Variants in SMYD4 observed in about 807,000 individuals in gnomAD.
SMYD4 encodes the protein SET and MYND domain containing 4, also known as protein-lysine N-methyltransferase SMYD4.
Under a neutral mutation model 72.8 loss-of-function variants are expected in SMYD4, and 68 were observed. The ratio of observed to expected loss-of-function variants is 0.93; its 90% CI spans 0.77 to 1.14. The LOEUF is 1.14. SMYD4 is among the 50% of genes most tolerant of loss of function. The probability of loss-of-function intolerance (pLI) is 0.00; values close to 1 mark genes in which losing one functional copy is unlikely to be tolerated. For synonymous variants in SMYD4, 407 were observed against 388.6 expected, an observed-to-expected ratio of 1.05 and a Z score of -0.56; for missense variants, 984 against 1,003.7, an observed-to-expected ratio of 0.98 and a Z score of 0.27.
At position 1,786,979 on chromosome 17, in the gene SMYD4, G is replaced by C. The variant is rs1222008909; in HGVS notation, c.1721-6C>G. 1 of 1,610,408 alleles carries C rather than the reference G, an allele frequency of 6.2e-7. No homozygotes were observed. Among genetic ancestry groups the C allele is most frequent in the Non-Finnish European group, 8.5e-7 (1 of 1,179,348 alleles). The stretch of plus-strand genomic sequence containing the variant: ...CATCCGGCTCTTGTGAGGCCCTGGA[G>C]GGAGATCACCGTCAGCCAATATTGA... On this transcript the variant is annotated splice_polypyrimidine_tract_variant and splice_region_variant and intron_variant, in intron 6 of 10. Transcript: ENST00000305513.
At position 1,781,156 on chromosome 17, in the gene SMYD4, G is replaced by T; in HGVS notation, c.*130C>A. On this transcript the variant is annotated 3_prime_UTR_variant, in exon 11 of 11. Transcript: ENST00000305513. Reference sequence around the variant, plus strand: ...GGCTGGTCTTGAACTCCTGACATCAGGTGATCCGCCCACCTTAGCCTCCCA... The same window carrying T: ...GGCTGGTCTTGAACTCCTGACATCATGTGATCCGCCCACCTTAGCCTCCCA... 8.5e-7 allele frequency: 1 copy of T among 1,173,470 alleles called. No homozygotes were observed. The highest frequency in any genetic ancestry group is 1.2e-6 in the Non-Finnish European group (1 of 848,160). The allele number at this position is 1,173,470 out of a possible 1,614,324, so 72.7% of individuals were successfully genotyped here.
chr17:1,802,543 G>A (rs1462675401), intron 4 of SMYD4, among the ~76,000 whole-genome samples: 2 of 152,208 alleles, frequency 1.3e-5, no homozygotes, highest in Non-Finnish European at 1.5e-5. Context: ...ATAAAGAAAA[G>A]TTATAAAGGG....
chr17:1,790,876 C>T (rs965725105), intron 5 of SMYD4, among the ~76,000 whole-genome samples: 2 of 151,650 alleles, frequency 1.3e-5, no homozygotes, highest in Non-Finnish European at 2.9e-5. Context: ...CCTGTAATCC[C>T]AGCACTTTGG....
At chr17:1,825,807 CT>C (rs1163444557) in intron 2 of SMYD4, among the ~76,000 whole-genome samples, 1 of 151,894 alleles carries the variant, frequency 6.6e-6, no homozygotes, top group African/African-American at 2.4e-5. Context: ...CCAACCTCAT[CT>C]TCTTTTATAC....
chr17:1,802,904 A>G (rs1909840823), intron 4 of SMYD4, among the ~76,000 whole-genome samples: 1 of 152,242 alleles, frequency 6.6e-6, no homozygotes, highest in African/African-American at 2.4e-5. Context: ...CTGTAATCCC[A>G]GCACTTTGGG....
At chr17:1,822,397 T>C (rs1910944324) in intron 2 of SMYD4, among the ~76,000 whole-genome samples, 1 of 152,206 alleles carries the variant, frequency 6.6e-6, no homozygotes, top group African/African-American at 2.4e-5. Flanking sequence ...ATGCATATTA[T>C]TCTGATAAAA....
At chr17:1,787,270 T>TG in intron 6 of SMYD4, 152 bp downstream of exon 6, 1 of 1,027,214 alleles carries the variant, frequency 9.7e-7, no homozygotes, top group Non-Finnish European at 1.4e-6. Flanking sequence ...CCTTCCATCC[T>TG]CCCTTCCTTG....
chr17:1,783,300 C>G (rs1168695113), intron 9 of SMYD4, 60 bp downstream of exon 9: 1 of 1,610,138 alleles, frequency 6.2e-7, no homozygotes, highest in Non-Finnish European at 8.5e-7. Flanking sequence ...AGGCCGGGGC[C>G]ACGGCGAAGT....
chr17:1,804,332 G>A (rs769966099), intron 4 of SMYD4: 69 of 295,918 alleles, frequency 2.3e-4, no homozygotes, highest in African/African-American at 1.3e-3. Context: ...TACTACACCC[G>A]GCTAATTTTT....
chr17:1,811,086 A>G (rs1239039189), intron 3 of SMYD4, among the ~76,000 whole-genome samples: 2 of 152,240 alleles, frequency 1.3e-5, no homozygotes, highest in Non-Finnish European at 2.9e-5. Flanking sequence ...GCTGGTTAAC[A>G]CAAGCCGCGT....
Position 1,786,197 on chromosome 17 carries a change from C to T in SMYD4, c.1884+613G>A, listed in dbSNP as rs946200420. On this transcript the variant is annotated intron_variant, in intron 7 of 10. Transcript: ENST00000305513. The stretch of plus-strand genomic sequence containing the variant: ...TCTGCCCAGGCTGCTGTTTGAGTGG[C>T]ATGTGCTCTTATCCTCCTTGGCAGG... Among the ~76,000 whole-genome samples, 3 of 152,126 alleles carry T rather than the reference C, an allele frequency of 2.0e-5. No individual in the cohort carries two copies. In the South Asian group the frequency reaches 6.2e-4, roughly 32 times the overall value.
Position 1,783,458 on chromosome 17 carries a change from A to T in SMYD4, c.2039T>A (p.Leu680Gln), listed in dbSNP as rs777097307. The change falls in exon 9 of 11, where the codon CTG becomes CAG. Residue 680 changes from leucine to glutamine, a missense_variant. Transcript: ENST00000305513. ...DGELERAVQR[L>Q]SGCQRDAESF... is the part of the protein sequence containing the mutation. ...CTCGGCGTCACGCTGGCACCCCGAC[A>T]GCCGCTGAACAGCTCGCTCTGTCAA... 1.2e-6 allele frequency: 2 copies of T among 1,611,016 alleles called. No individual in the cohort carries two copies. Among genetic ancestry groups the T allele is most frequent in the African/African-American group, 1.3e-5 (1 of 74,996 alleles).
At chr17:1,792,232 C>T (rs1280409121) in intron 5 of SMYD4, among the ~76,000 whole-genome samples, 5 of 151,872 alleles carry the variant, frequency 3.3e-5, no homozygotes, top group Non-Finnish European at 4.4e-5. Context: ...TTAGTAGAGA[C>T]GGGGTTTCAC....
chr17:1,806,659 A>G (rs183403244), intron 3 of SMYD4, among the ~76,000 whole-genome samples: 62 of 152,342 alleles, frequency 4.1e-4, no homozygotes, highest in African/African-American at 1.4e-3. Context: ...TGGCACACAG[A>G]GTTGGTCAAG....
chr17:1,813,924 T>C (rs1910457022), intron 2 of SMYD4, among the ~76,000 whole-genome samples: 1 of 152,068 alleles, frequency 6.6e-6, no homozygotes, highest in Admixed American at 6.6e-5. Flanking sequence ...TATAATGCCA[T>C]AAAGTAAAAT....
intron 10 of SMYD4, 63 bp from the exon 11 acceptor site, chr17:1,781,502 C>A: frequency 6.4e-7 from 1 of 1,551,446 alleles, no homozygotes. Context: ...TAATTGAGGG[C>A]CTACTCACAC....
At chr17:1,790,630 C>A (rs566173520) in intron 5 of SMYD4, among the ~76,000 whole-genome samples, 2 of 152,142 alleles carry the variant, frequency 1.3e-5, no homozygotes, top group South Asian at 4.1e-4. Context: ...GATTCTCCTG[C>A]CTCAGCCTCC....
At chr17:1,788,757 T>A (rs1234562520) in intron 5 of SMYD4, among the ~76,000 whole-genome samples, 2 of 151,768 alleles carry the variant, frequency 1.3e-5, no homozygotes, top group Admixed American at 6.6e-5. Context: ...AAAAAAAAAA[T>A]TTGTTCATTT....
chr17:1,800,747 A>G lies in SMYD4; in HGVS notation c.647T>C (p.Leu216Pro), dbSNP rs1567776065. 3 of 1,614,172 alleles carry G rather than the reference A, an allele frequency of 1.9e-6. No homozygotes were observed. The highest frequency in any genetic ancestry group is 2.5e-6 in the Non-Finnish European group (3 of 1,180,024). Residue 216 changes from leucine (L) to proline (P), a missense_variant, in exon 5 of 11, where the codon CTT becomes CCT. Physicochemically the swap from Leu to Pro is moderately conservative, Grantham distance 98. Coordinates refer to ENST00000305513, the MANE Select transcript of SMYD4 (RefSeq NM_052928.3). ...ESFPAALAKT[L>P]EDAALREENE... ...CTCCTCCCTCAGCGCTGCATCCTCAAGGGTTTTGGCCAGAGCTGCTGGGAA... is the reference window on the plus strand; with the variant it reads ...CTCCTCCCTCAGCGCTGCATCCTCAGGGGTTTTGGCCAGAGCTGCTGGGAA...
Sources: allele counts gnomAD v4.1 joint callset (sites outside exome capture counted in the v4.1 genomes callset), GRCh38; gene constraint gnomAD v4.1.1; transcripts MANE v1.5; gene names NCBI Gene and HGNC (gene_info 2026-07-23, HGNC 2026-07-21).